SNTB1: variants seen among roughly 807,000 people sequenced by gnomAD.
SNTB1 encodes beta-1-syntrophin.
In SNTB1, 36 loss-of-function variants were observed where a neutral mutation model predicts 48.9. The observed-to-expected ratio is 0.74, with a 90% CI of 0.56 to 0.97. The LOEUF (loss-of-function observed/expected upper bound fraction) is 0.97. Among genes scored for constraint, SNTB1 ranks in the 50% least tolerant of loss-of-function variants. SNTB1 has a pLI of 0.00. For synonymous variants in SNTB1, 299 were observed against 294.6 expected, an observed-to-expected ratio of 1.01 and a Z score of -0.15; for missense variants, 786 against 703.4, an observed-to-expected ratio of 1.12 and a Z score of -1.33.
chr8:120,548,239 A>C (rs35462591), intron 5 of SNTB1, among the ~76,000 whole-genome samples: 1 of 152,154 alleles, frequency 6.6e-6, no homozygotes, highest in Non-Finnish European at 1.5e-5. Flanking sequence ...AGATGCCAGG[A>C]CCATGCTTCC....
chr8:120,680,331 A>T (rs1258143730), intron 2 of SNTB1, among the ~76,000 whole-genome samples: 1 of 152,234 alleles, frequency 6.6e-6, no homozygotes, highest in Non-Finnish European at 1.5e-5. Context: ...CATCCAGCAA[A>T]GAACCAAGAC....
At chr8:120,639,962 G>T (rs370358991) in intron 2 of SNTB1, among the ~76,000 whole-genome samples, 1 of 151,622 alleles carries the variant, frequency 6.6e-6, no homozygotes, top group Admixed American at 6.6e-5. Context: ...TGTAAATTAC[G>T]TTGGGCAGTA....
chr8:120,643,761 T>C (rs551064249), intron 2 of SNTB1, among the ~76,000 whole-genome samples: 3 of 152,354 alleles, frequency 2.0e-5, no homozygotes, highest in East Asian at 1.9e-4. Context: ...AATGACTTCT[T>C]TTCCTCTGGG....
At chr8:120,637,058 A>T in intron 2 of SNTB1, 1 of 374,944 alleles carries the variant, frequency 2.7e-6, no homozygotes, top group Non-Finnish European at 5.2e-6. Context: ...CATTTCTGAT[A>T]TCAATTTCAG....
chr8:120,695,587 C>T (rs1587095665), intron 1 of SNTB1, among the ~76,000 whole-genome samples: 1 of 152,066 alleles, frequency 6.6e-6, no homozygotes, highest in African/African-American at 2.4e-5. Flanking sequence ...GTAGAATGAG[C>T]TATGTTTTAT....
chr8:120,735,355 C>T (rs897065812), intron 1 of SNTB1, among the ~76,000 whole-genome samples: 1 of 152,124 alleles, frequency 6.6e-6, no homozygotes, highest in Non-Finnish European at 1.5e-5. Flanking sequence ...ATGAAGGGAG[C>T]AAGGTGACAA....
chr8:120,571,395 G>A lies in SNTB1; in HGVS notation c.1136+3691C>T, dbSNP rs73707305. ...GATGCAAAGTACAGAAAGCAATAGC[G>A]ATTGGGCCGAATTCTCATGGACCCC... On this transcript the variant is annotated intron_variant, in intron 4 of 6. Coordinates refer to ENST00000517992, the MANE Select transcript of SNTB1 (RefSeq NM_021021.4). The A allele has an allele frequency of 2.4e-4, 286 of 1,178,008 alleles. 4 individuals carry two copies. In the East Asian group the frequency reaches 0.011, roughly 44 times the overall value. 73.0% of individuals were successfully genotyped at this position (1,178,008 alleles called of 1,614,324 possible).
At chr8:120,616,221 A>G (rs908343183) in intron 3 of SNTB1, among the ~76,000 whole-genome samples, 1 of 152,094 alleles carries the variant, frequency 6.6e-6, no homozygotes, top group Non-Finnish European at 1.5e-5. Flanking sequence ...GGGTGGACCA[A>G]TGAGGAAGAG....
chr8:120,661,878 T>A, intron 2 of SNTB1, among the ~76,000 whole-genome samples: 1 of 152,354 alleles, frequency 6.6e-6, no homozygotes. Context: ...TAAGTTTATG[T>A]ATGTTCAGAG....
In SNTB1 at chr8:120,560,651, C is replaced by A. The variant is rs1176861776; in HGVS notation, c.1137-11693G>T. ...CAGCAAAACAGCTTGGAGTCAATTCCTGACTATTCAGTGGCATTATCCAGG... is the reference window on the plus strand; with the variant it reads ...CAGCAAAACAGCTTGGAGTCAATTCATGACTATTCAGTGGCATTATCCAGG... On this transcript the variant is annotated intron_variant, in intron 4 of 6. Coordinates refer to ENST00000517992, the MANE Select transcript of SNTB1 (RefSeq NM_021021.4). Among the ~76,000 whole-genome samples the A allele has an allele frequency of 2.0e-5, 3 of 152,122 alleles. No individual in the cohort carries two copies. The East Asian group carries it at 5.8e-4, about 29-fold the overall frequency.
chr8:120,667,129 C>T (rs1334571098), intron 2 of SNTB1, among the ~76,000 whole-genome samples: 3 of 148,260 alleles, frequency 2.0e-5, no homozygotes. Flanking sequence ...CAGGGTCTTG[C>T]TCTGTTACCC....
chr8:120,733,649 C>G (rs1818890093), intron 1 of SNTB1, among the ~76,000 whole-genome samples: 1 of 152,160 alleles, frequency 6.6e-6, no homozygotes, highest in South Asian at 2.1e-4. Context: ...AACAAACAAC[C>G]ATATCCCTTC....
At chr8:120,571,792 C>A (rs566554803) in intron 4 of SNTB1, among the ~76,000 whole-genome samples, 1 of 152,248 alleles carries the variant, frequency 6.6e-6, no homozygotes, top group South Asian at 2.1e-4. Flanking sequence ...AGCCAGCATA[C>A]CCGGCCATGA....
chr8:120,740,760 CT>C (rs373414345), intron 1 of SNTB1, among the ~76,000 whole-genome samples: 326 of 148,664 alleles, frequency 2.2e-3, no homozygotes, highest in African/African-American at 7.6e-3. Context: ...TTTTCTTCTT[CT>C]TTTTTTTTTA....
At chr8:120,728,202 CG>C (rs962435116) in intron 1 of SNTB1, among the ~76,000 whole-genome samples, 11 of 151,870 alleles carry the variant, frequency 7.2e-5, no homozygotes, top group African/African-American at 2.7e-4. Flanking sequence ...GGTTTCACCA[CG>C]GGCTGGTTTT....
At chr8:120,585,456 C>T (rs1816124267) in intron 3 of SNTB1, among the ~76,000 whole-genome samples, 2 of 152,308 alleles carry the variant, frequency 1.3e-5, no homozygotes, top group East Asian at 3.9e-4. Context: ...TCTAAATTTC[C>T]CTCTTAATAA....
At chr8:120,563,256 A>C (rs1815692119) in intron 4 of SNTB1, among the ~76,000 whole-genome samples, 1 of 152,042 alleles carries the variant, frequency 6.6e-6, no homozygotes, top group South Asian at 2.1e-4. Flanking sequence ...TGACCAAAAA[A>C]ACCAACACTC....
intron 3 of SNTB1, among the ~76,000 whole-genome samples, chr8:120,616,423 C>T (rs531444642): frequency 8.4e-4 from 128 of 151,578 alleles, no homozygotes; most frequent in African/African-American, 3.0e-3. Flanking sequence ...CCTCAGCCTT[C>T]CCAGTAAGCT....
At chr8:120,741,624 A>G (rs1819042247) in intron 1 of SNTB1, among the ~76,000 whole-genome samples, 1 of 152,180 alleles carries the variant, frequency 6.6e-6, no homozygotes, top group African/African-American at 2.4e-5. Flanking sequence ...CAAACAAACA[A>G]ACACACAAAC....
Sources: allele counts gnomAD v4.1 joint callset (sites outside exome capture counted in the v4.1 genomes callset), GRCh38; gene constraint gnomAD v4.1.1; transcripts MANE v1.5; gene names NCBI Gene and HGNC (gene_info 2026-07-23, HGNC 2026-07-21).